TENM3: variants seen among roughly 807,000 people sequenced by gnomAD.
TENM3 encodes the protein teneurin transmembrane protein 3.
In TENM3, 63 loss-of-function variants were observed where a neutral mutation model predicts 255.1. The ratio of observed to expected loss-of-function variants is 0.25; its 90% confidence interval spans 0.20 to 0.30. TENM3 has a LOEUF of 0.30. Among genes scored for constraint, TENM3 ranks in the 10% least tolerant of loss-of-function variants. The pLI is 1.00. For missense variants in TENM3, 2,929 were observed against 3,461.1 expected, an observed-to-expected ratio of 0.85 and a Z score of 3.86; for synonymous variants, 1,306 against 1,322.3, an observed-to-expected ratio of 0.99 and a Z score of 0.27.
At chr4:181,575,879 C>T in the TENM3 span, among the ~76,000 whole-genome samples, 13 of 152,298 alleles carry the variant, frequency 8.5e-5, no homozygotes, top group South Asian at 2.5e-3. Context: ...CCCAGCCTTC[C>T]TTGCAGTTAG....
intron 1 of TENM3, among the ~76,000 whole-genome samples, chr4:182,301,509 A>G (rs1401010352): frequency 1.3e-5 from 2 of 152,158 alleles, no homozygotes; most frequent in Non-Finnish European, 2.9e-5. Flanking sequence ...ATTACTGTCA[A>G]TTTCAGATTT....
At chr4:182,609,160 G>T (rs1748737245) in intron 4 of TENM3, among the ~76,000 whole-genome samples, 1 of 152,146 alleles carries the variant, frequency 6.6e-6, no homozygotes, top group Non-Finnish European at 1.5e-5. Flanking sequence ...TAATTTTTTA[G>T]TTTTTTAAAT....
chr4:182,069,203 A>C, the TENM3 span, among the ~76,000 whole-genome samples: 1 of 152,348 alleles, frequency 6.6e-6, no homozygotes, highest in Non-Finnish European at 1.5e-5. Context: ...ACTCTGAAAA[A>C]AGAGAATAAT....
At chr4:181,601,565 C>T in the TENM3 span, among the ~76,000 whole-genome samples, 1 of 152,080 alleles carries the variant, frequency 6.6e-6, no homozygotes, top group African/African-American at 2.4e-5. Context: ...CAGTGGGAGT[C>T]TAAATTGTTA....
At chr4:182,569,224 T>G (rs1744095584) in intron 3 of TENM3, among the ~76,000 whole-genome samples, 1 of 152,104 alleles carries the variant, frequency 6.6e-6, no homozygotes, top group African/African-American at 2.4e-5. Context: ...AAGGAAAATG[T>G]GATACCTTAA....
chr4:181,612,856 A>C, the TENM3 span, among the ~76,000 whole-genome samples: 1 of 152,218 alleles, frequency 6.6e-6, no homozygotes, highest in Non-Finnish European at 1.5e-5. Context: ...TACCTATTTA[A>C]ATAAAAAAGA....
At chr4:182,378,294 G>A (rs181487189) in intron 3 of TENM3, among the ~76,000 whole-genome samples, 278 of 152,350 alleles carry the variant, frequency 1.8e-3, no homozygotes, top group African/African-American at 6.3e-3. Context: ...GAACCAAACA[G>A]ACAGGTTCCC....
the TENM3 span, among the ~76,000 whole-genome samples, chr4:182,048,396 G>A: frequency 1.4e-4 from 22 of 152,024 alleles, no homozygotes; most frequent in East Asian, 1.7e-3. Context: ...TTAGTTCACC[G>A]ATTTTATGTT....
At chr4:182,715,879 C>G (rs558486076) in intron 13 of TENM3, among the ~76,000 whole-genome samples, 4 of 152,310 alleles carry the variant, frequency 2.6e-5, no homozygotes, top group African/African-American at 9.6e-5. Flanking sequence ...TAGTTTCTAG[C>G]AGACTGTTCA....
the TENM3 span, among the ~76,000 whole-genome samples, chr4:181,945,497 C>T: frequency 1.1e-4 from 16 of 151,952 alleles, no homozygotes; most frequent in Admixed American, 8.5e-4. Context: ...GGACAAGAGC[C>T]CCTGCTGTCC....
At chr4:182,116,577 T>A in the TENM3 span, among the ~76,000 whole-genome samples, 1 of 152,124 alleles carries the variant, frequency 6.6e-6, no homozygotes, top group Non-Finnish European at 1.5e-5. Context: ...TGAAGAGGTG[T>A]CTTCCATCAT....
chr4:182,779,010 G>C (rs560651191), intron 24 of TENM3, among the ~76,000 whole-genome samples: 5 of 119,728 alleles, frequency 4.2e-5, no homozygotes, highest in Admixed American at 2.4e-4. Flanking sequence ...GACAGATTTT[G>C]TTACTGGTTT....
the TENM3 span, among the ~76,000 whole-genome samples, chr4:181,635,800 C>T: frequency 6.6e-6 from 1 of 152,142 alleles, no homozygotes; most frequent in Non-Finnish European, 1.5e-5. Context: ...TGTTGCAGAG[C>T]ACAGTAATAG....
chr4:182,397,871 T>A (rs756807283), intron 3 of TENM3, among the ~76,000 whole-genome samples: 1 of 152,168 alleles, frequency 6.6e-6, no homozygotes, highest in Non-Finnish European at 1.5e-5. Flanking sequence ...TCCAAATGAC[T>A]GCGCTCTACT....
the TENM3 span, among the ~76,000 whole-genome samples, chr4:182,101,469 C>G: frequency 1.3e-5 from 2 of 152,148 alleles, no homozygotes; most frequent in African/African-American, 4.8e-5. Flanking sequence ...ACCATCTGAT[C>G]TTAGCCCAAC....
At chr4:181,506,927 T>C in the TENM3 span, among the ~76,000 whole-genome samples, 1 of 152,222 alleles carries the variant, frequency 6.6e-6, no homozygotes, top group African/African-American at 2.4e-5. Context: ...TCAGTAACTC[T>C]TATTAGAATT....
At chr4:182,557,860 C>T (rs946002169) in intron 3 of TENM3, among the ~76,000 whole-genome samples, 1 of 152,198 alleles carries the variant, frequency 6.6e-6, no homozygotes, top group African/African-American at 2.4e-5. Context: ...CTCTACCATT[C>T]ATACATGTTT....
the TENM3 span, among the ~76,000 whole-genome samples, chr4:181,472,126 G>T: frequency 4.6e-5 from 7 of 152,228 alleles, no homozygotes; most frequent in South Asian, 8.3e-4. Flanking sequence ...ATATTTTGGG[G>T]TGTCATGTTC....
At position 182,743,440 on chromosome 4, in the gene TENM3, G is replaced by A. The variant is rs7676674; in HGVS notation, c.3629+21G>A. The A allele has an allele frequency of 0.4, 638,072 of 1,605,964 alleles. 130,776 individuals carry two copies. The highest frequency in any genetic ancestry group is 0.63 in the East Asian group (27,977 of 44,662). On this transcript the variant is annotated intron_variant, in intron 19 of 27. Transcript: ENST00000511685. ...CTAAGGTACGTCTTTCCTAAATTTG[G>A]GCTTTTAACCAAAGCTAAACGTGCC...
Sources: gnomAD v4.1 joint callset for allele counts (sites outside exome capture counted in the v4.1 genomes callset) on GRCh38, gnomAD v4.1.1 for gene constraint, MANE v1.5 for transcripts, NCBI Gene and HGNC (gene_info 2026-07-23, HGNC 2026-07-21) for gene names.